Variants in TMEM132B observed in about 807,000 individuals in gnomAD.
The protein encoded by TMEM132B is transmembrane protein 132B.
TMEM132B carries 18 observed loss-of-function variants against 90.8 expected under a neutral mutation model. That is an observed-to-expected ratio of 0.20 (90% CI 0.14 to 0.29). The LOEUF is 0.29. Among genes scored for constraint, TMEM132B ranks in the 10% least tolerant of loss-of-function variants. The probability of loss-of-function intolerance (pLI) is 1.00; values close to 1 mark genes in which losing one functional copy is unlikely to be tolerated. For synonymous variants in TMEM132B, 504 were observed against 523.3 expected, an observed-to-expected ratio of 0.96 and a Z score of 0.50; for missense variants, 1,096 against 1,326.8, an observed-to-expected ratio of 0.83 and a Z score of 2.70.
chr12:125,430,061 T>G (rs1403650157), intron 3 of TMEM132B, among the ~76,000 whole-genome samples: 1 of 152,254 alleles, frequency 6.6e-6, no homozygotes, highest in Non-Finnish European at 1.5e-5. Flanking sequence ...GAAGGGACTG[T>G]GTTTCCTTCC....
Position 125,458,829 on chromosome 12 carries a change from GA to G in TMEM132B, c.1106+43153del, listed in dbSNP as rs1881363954. ...CTGTACACAAAAGGCACCACAACAGGAGAATGAGTCCTGTCATCACTTGACC... is the reference window on the plus strand; with the variant it reads ...CTGTACACAAAAGGCACCACAACAGGGAATGAGTCCTGTCATCACTTGACC... On this transcript the variant is annotated intron_variant, in intron 3 of 8. Transcript: ENST00000682704. This position sits in a 1 kb window ranked among gnomAD's most constrained non-coding sequence, Gnocchi z 4.9. Among the ~76,000 whole-genome samples, 1 of 152,214 alleles carries G rather than the reference GA, an allele frequency of 6.6e-6. No individual in the cohort carries two copies. The highest frequency in any genetic ancestry group is 2.4e-5 in the African/African-American group (1 of 41,454).
intron 5 of TMEM132B, among the ~76,000 whole-genome samples, chr12:125,640,818 A>G (rs1886611546): frequency 6.6e-6 from 1 of 152,122 alleles, no homozygotes; most frequent in Non-Finnish European, 1.5e-5. Context: ...TGTTGCGGCA[A>G]TGAGGTCCTG....
At chr12:125,637,912 G>T (rs1886527066) in intron 5 of TMEM132B, among the ~76,000 whole-genome samples, 1 of 152,220 alleles carries the variant, frequency 6.6e-6, no homozygotes, top group South Asian at 2.1e-4. Context: ...GTGACAGAAT[G>T]TTCTGTCTGT....
chr12:125,474,516 T>G (rs1881819439), intron 3 of TMEM132B, among the ~76,000 whole-genome samples: 1 of 152,144 alleles, frequency 6.6e-6, no homozygotes, highest in African/African-American at 2.4e-5. Flanking sequence ...CTTGAACTTC[T>G]GGGCTCAGGT....
chr12:125,278,261 A>C (rs1235409000), intron 1 of TMEM132B, among the ~76,000 whole-genome samples: 2 of 152,254 alleles, frequency 1.3e-5, no homozygotes, highest in African/African-American at 4.8e-5. Context: ...AAGCTTCAAT[A>C]GAAACCATTT....
chr12:125,532,814 C>T, intron 4 of TMEM132B, among the ~76,000 whole-genome samples: 1 of 152,048 alleles, frequency 6.6e-6, no homozygotes, highest in Non-Finnish European at 1.5e-5. Context: ...CACACCCGGC[C>T]TTAGGAACCT....
chr12:125,643,305 G>A (rs779963331), intron 5 of TMEM132B, among the ~76,000 whole-genome samples: 2 of 152,158 alleles, frequency 1.3e-5, no homozygotes, highest in Non-Finnish European at 2.9e-5. Flanking sequence ...CTCATGAAAC[G>A]ATTTGTGATC....
At chr12:125,521,564 A>G (rs1297886938) in intron 4 of TMEM132B, among the ~76,000 whole-genome samples, 2 of 152,344 alleles carry the variant, frequency 1.3e-5, no homozygotes, top group East Asian at 3.9e-4. Flanking sequence ...GTAGAACAGA[A>G]GAGAGCTGGG....
At chr12:125,464,564 C>T (rs1435183396) in intron 3 of TMEM132B, among the ~76,000 whole-genome samples, 1 of 152,194 alleles carries the variant, frequency 6.6e-6, no homozygotes, top group Non-Finnish European at 1.5e-5. Context: ...GTACACACAG[C>T]ATCTACTGCA....
intron 3 of TMEM132B, among the ~76,000 whole-genome samples, chr12:125,475,793 GAC>G (rs1881860093): frequency 6.6e-6 from 1 of 152,144 alleles, no homozygotes; most frequent in Non-Finnish European, 1.5e-5. Flanking sequence ...AAAGAAATCT[GAC>G]TAATACAAGG....
intron 3 of TMEM132B, among the ~76,000 whole-genome samples, chr12:125,487,015 T>C (rs1882221678): frequency 6.6e-6 from 1 of 152,206 alleles, no homozygotes; most frequent in Admixed American, 6.5e-5. Flanking sequence ...ATAAGGAACC[T>C]GAAATCTGCT....
chr12:125,275,470 A>T (rs1429471670), intron 1 of TMEM132B, among the ~76,000 whole-genome samples: 1 of 152,182 alleles, frequency 6.6e-6, no homozygotes, highest in African/African-American at 2.4e-5. Context: ...CATGCTTTTC[A>T]GGAGAAATGC....
Position 125,203,165 on chromosome 12 carries a change from T to C in TMEM132B, c.67+16299T>C, listed in dbSNP as rs4765227. Among the ~76,000 whole-genome samples, 673 of 152,322 alleles carry C rather than the reference T, an allele frequency of 4.4e-3. 15 individuals carry two copies. The East Asian group carries it at 0.074, about 17-fold the overall frequency. On this transcript the variant is annotated intron_variant, in intron 1 of 8. Transcript: ENST00000682704. ...CCTTCCCTGCTTTACTTCCAGTGCC[T>C]AGAATGCTGTGAGACACAGAGTGGA...
At chr12:125,543,201 T>A (rs560674163) in intron 4 of TMEM132B, among the ~76,000 whole-genome samples, 1 of 152,348 alleles carries the variant, frequency 6.6e-6, no homozygotes, top group East Asian at 1.9e-4. Flanking sequence ...ATCATACTTA[T>A]AGCTTAAAAA....
chr12:125,265,325 A>G (rs1422635073), intron 1 of TMEM132B, among the ~76,000 whole-genome samples: 1 of 148,132 alleles, frequency 6.8e-6, no homozygotes, highest in Non-Finnish European at 1.5e-5. Flanking sequence ...TTCTATACAT[A>G]CATACCTATG....
chr12:125,579,266 T>TG, intron 4 of TMEM132B, among the ~76,000 whole-genome samples: 1 of 152,318 alleles, frequency 6.6e-6, no homozygotes, highest in Non-Finnish European at 1.5e-5. Context: ...TTTCGGCTAT[T>TG]GCACTTTTCA....
At chr12:125,220,982 A>C (rs899354177) in intron 1 of TMEM132B, among the ~76,000 whole-genome samples, 1 of 152,178 alleles carries the variant, frequency 6.6e-6, no homozygotes, top group African/African-American at 2.4e-5. Flanking sequence ...TTCTGTTTGG[A>C]ACACTCTTGC....
intron 2 of TMEM132B, among the ~76,000 whole-genome samples, chr12:125,369,178 G>A (rs896293016): frequency 2.0e-5 from 3 of 152,110 alleles, no homozygotes; most frequent in Admixed American, 1.3e-4. Context: ...AGCTTCATCC[G>A]TGTCCCTACA....
intron 1 of TMEM132B, among the ~76,000 whole-genome samples, chr12:125,236,975 T>C (rs1873951522): frequency 6.6e-6 from 1 of 151,870 alleles, no homozygotes; most frequent in African/African-American, 2.4e-5. Flanking sequence ...CAAGCACAGG[T>C]GTGTGAGTGA....
Sources: allele counts gnomAD v4.1 joint callset (sites outside exome capture counted in the v4.1 genomes callset), GRCh38; gene constraint gnomAD v4.1.1; non-coding constraint Gnocchi (gnomAD v3.1); transcripts MANE v1.5; gene names NCBI Gene and HGNC (gene_info 2026-07-23, HGNC 2026-07-21).